The following SLC24A4 variants were observed in gnomAD, a reference collection of about 807,000 sequenced individuals.
SLC24A4 encodes solute carrier family 24 member 4.
A neutral mutation model predicts 79.0 loss-of-function variants in SLC24A4; 53 were observed. The ratio of observed to expected loss-of-function variants is 0.67; its 90% CI spans 0.54 to 0.84. SLC24A4 has a LOEUF of 0.84. SLC24A4 is among the 40% of genes least tolerant of loss of function. The probability of loss-of-function intolerance (pLI) is 0.00; values close to 1 mark genes in which losing one functional copy is unlikely to be tolerated. For missense variants in SLC24A4, 731 were observed against 822.0 expected (o/e 0.89, Z 1.35); for synonymous variants, 323 against 323.8 (o/e 1.00, Z 0.03).
chr14:92,341,954 T>C (rs1459416787), intron 2 of SLC24A4, among the ~76,000 whole-genome samples: 4 of 152,210 alleles, frequency 2.6e-5, no homozygotes, highest in African/African-American at 7.2e-5. Flanking sequence ...CCAGCTAAGA[T>C]TCCGATATAG....
At position 92,433,922 on chromosome 14, in the gene SLC24A4, G is replaced by C. The variant is rs1892018685; in HGVS notation, c.252G>C (p.Glu84Asp). 6.2e-7 allele frequency: 1 copy of C among 1,614,056 alleles called. No individual in the cohort carries two copies. Reference sequence around the variant, plus strand: ...CTTCCTGTCTTCCAGCGATTCACGAGTTCCCCACAGATCTGTTCTCCAATA... The same window carrying C: ...CTTCCTGTCTTCCAGCGATTCACGACTTCCCCACAGATCTGTTCTCCAATA... The part of the protein sequence containing the change: ...AKNCTDPAIH[E>D]FPTDLFSNKE... The change falls in exon 3 of 17, where the codon GAG (glutamate) becomes GAC (aspartate). Residue 84 changes from glutamate (E) to aspartate (D), a missense_variant. Transcript: ENST00000532405.
intron 12 of SLC24A4, among the ~76,000 whole-genome samples, chr14:92,465,972 A>G (rs577774270): frequency 9.8e-5 from 15 of 152,306 alleles, no homozygotes; most frequent in Non-Finnish European, 1.8e-4. Flanking sequence ...GCTCAGTTCA[A>G]CAGCAGGTCT....
chr14:92,436,265 G>A (rs1892160638), intron 3 of SLC24A4, among the ~76,000 whole-genome samples: 1 of 152,120 alleles, frequency 6.6e-6, no homozygotes, highest in Non-Finnish European at 1.5e-5. Context: ...ACTATCACGA[G>A]AACAGCATGG....
At chr14:92,468,106 T>A (rs1259733464) in intron 12 of SLC24A4, among the ~76,000 whole-genome samples, 2 of 152,206 alleles carry the variant, frequency 1.3e-5, no homozygotes, top group Admixed American at 6.5e-5. Flanking sequence ...ACAATTCAGT[T>A]GTATTTTAAC....
intron 2 of SLC24A4, among the ~76,000 whole-genome samples, chr14:92,348,581 C>T (rs1258952849): frequency 1.3e-5 from 2 of 152,350 alleles, no homozygotes; most frequent in East Asian, 1.9e-4. Flanking sequence ...ACTGAATCCA[C>T]ACTGCCCACC....
intron 12 of SLC24A4, among the ~76,000 whole-genome samples, chr14:92,463,224 C>A (rs1893914266): frequency 6.6e-6 from 1 of 152,176 alleles, no homozygotes; most frequent in Non-Finnish European, 1.5e-5. Flanking sequence ...TTAAATAGCT[C>A]TTGAGAGGGC....
chr14:92,420,339 G>A (rs935262355), intron 2 of SLC24A4, among the ~76,000 whole-genome samples: 18 of 152,154 alleles, frequency 1.2e-4, no homozygotes, highest in African/African-American at 4.3e-4. Flanking sequence ...AATTAGCCGG[G>A]CACAGTGGCA....
In SLC24A4 at chr14:92,362,725, C is replaced by T. The variant is rs142443476; in HGVS notation, c.241+36747C>T. Among the ~76,000 whole-genome samples the T allele has an allele frequency of 3.5e-3, 531 of 152,360 alleles. 1 individual carries two copies. The highest frequency in any genetic ancestry group is 0.014 in the Middle Eastern group (4 of 294). The stretch of plus-strand genomic sequence containing the variant: ...ACCAGTGTGCTGCGTCCCAAGTCTC[C>T]TGTGTCACCATGCGCTCCTCCTCTC... On this transcript the variant is annotated intron_variant, in intron 2 of 16. Coordinates refer to ENST00000532405, the MANE Select transcript of SLC24A4 (RefSeq NM_153646.4).
At chr14:92,474,736 TAC>T (rs537311007) in intron 12 of SLC24A4, among the ~76,000 whole-genome samples, 771 of 8,928 alleles carry the variant, frequency 0.086, 19 homozygotes, top group Admixed American at 0.16. Context: ...CACGTATATA[TAC>T]GTATATATAC....
intron 12 of SLC24A4, among the ~76,000 whole-genome samples, chr14:92,465,298 C>T (rs1305383736): frequency 6.6e-6 from 1 of 152,216 alleles, no homozygotes; most frequent in East Asian, 1.9e-4. Flanking sequence ...TAATGGCCCC[C>T]CTAGTGCCAC....
At chr14:92,346,354 C>T (rs187593844) in intron 2 of SLC24A4, among the ~76,000 whole-genome samples, 83 of 152,214 alleles carry the variant, frequency 5.5e-4, no homozygotes, top group African/African-American at 1.9e-3. Context: ...AGTGCTCTTC[C>T]CTACCTCTCA....
At chr14:92,358,228 G>A (rs1887289802) in intron 2 of SLC24A4, among the ~76,000 whole-genome samples, 1 of 152,180 alleles carries the variant, frequency 6.6e-6, no homozygotes. Context: ...AGATAGGCCA[G>A]TTAAATGCAT....
At chr14:92,340,137 T>C (rs1886042233) in intron 2 of SLC24A4, among the ~76,000 whole-genome samples, 1 of 152,226 alleles carries the variant, frequency 6.6e-6, no homozygotes, top group African/African-American at 2.4e-5. Flanking sequence ...AGAAGAGCCA[T>C]GTAGTGTAAA....
intron 2 of SLC24A4, among the ~76,000 whole-genome samples, chr14:92,375,226 G>A (rs1474696022): frequency 6.6e-6 from 1 of 152,192 alleles, no homozygotes; most frequent in Non-Finnish European, 1.5e-5. Context: ...GTTTTATTAA[G>A]AGACAGTTTG....
chr14:92,324,608 G>A (rs896218536), intron 1 of SLC24A4, among the ~76,000 whole-genome samples: 3 of 152,212 alleles, frequency 2.0e-5, no homozygotes, highest in African/African-American at 7.2e-5. Context: ...CAGGTGGAGC[G>A]GGAAGAGAGA....
intron 2 of SLC24A4, among the ~76,000 whole-genome samples, chr14:92,354,556 C>A (rs968653605): frequency 4.6e-5 from 7 of 152,160 alleles, no homozygotes; most frequent in African/African-American, 1.7e-4. Flanking sequence ...AGCAAGTAGG[C>A]AAAGTATCTG....
At chr14:92,453,371 G>C (rs7149692) in intron 10 of SLC24A4, 36,525 of 152,192 alleles carry the variant, frequency 0.24, 4,609 homozygotes, top group Non-Finnish European at 0.27. Flanking sequence ...CAAGCATTCT[G>C]TCCTGCAGAC....
At position 92,323,710 on chromosome 14, in the gene SLC24A4, A is replaced by T. The variant is rs1030272650; in HGVS notation, c.-121A>T. 1.6e-6 allele frequency: 2 copies of T among 1,283,984 alleles called. No homozygotes were observed. The highest frequency in any genetic ancestry group is 2.1e-6 in the Non-Finnish European group (2 of 965,194). 79.5% of individuals were successfully genotyped at this position (1,283,984 alleles called of 1,614,324 possible). A position where few individuals can be genotyped will look rare whatever the true frequency, so the allele number is the denominator to read the frequency against. On this transcript the variant is annotated 5_prime_UTR_variant, in exon 1 of 17. Coordinates refer to ENST00000532405, the MANE Select transcript of SLC24A4 (RefSeq NM_153646.4). The surrounding 1 kb of genome is among the most constrained non-coding windows in gnomAD (Gnocchi z 4.9). ...CTCGGGCCATGAGGCTTTGGCCCGG[A>T]GCTCCTCGCCTCTGAGTCGCGCACC... is the stretch of plus-strand genomic sequence containing the variant.
chr14:92,492,245 G>T lies in SLC24A4; in HGVS notation c.1716+5G>T, dbSNP rs1234180491. The T allele has an allele frequency of 6.2e-7, 1 of 1,613,928 alleles. No individual in the cohort carries two copies. Among genetic ancestry groups the T allele is most frequent in the Admixed American group, 1.7e-5 (1 of 60,004 alleles). On this transcript the variant is annotated splice_donor_5th_base_variant and intron_variant, in intron 16 of 16. Coordinates refer to ENST00000532405, the MANE Select transcript of SLC24A4 (RefSeq NM_153646.4). ...CTGGGCTCTGTCGCTCTCACCGTGAGTCTTTACAATTCCAAAACAGATGCC... is the reference window on the plus strand; with the variant it reads ...CTGGGCTCTGTCGCTCTCACCGTGATTCTTTACAATTCCAAAACAGATGCC...
Sources: gnomAD v4.1 joint callset for allele counts (sites outside exome capture counted in the v4.1 genomes callset) on GRCh38, gnomAD v4.1.1 for gene constraint, Gnocchi (gnomAD v3.1) non-coding constraint, MANE v1.5 for transcripts, NCBI Gene and HGNC (gene_info 2026-07-23, HGNC 2026-07-21) for gene names.